ABHD12: variants seen among roughly 807,000 people sequenced by gnomAD.
ABHD12 encodes the protein lysophosphatidylserine lipase ABHD12.
A neutral mutation model predicts 58.3 loss-of-function variants in ABHD12; 43 were observed. That is an observed-to-expected ratio of 0.74 (90% CI 0.58 to 0.95). The LOEUF (loss-of-function observed/expected upper bound fraction) is 0.95. Among genes scored for constraint, ABHD12 ranks in the 40% least tolerant of loss-of-function variants. The pLI is 0.00. For missense variants in ABHD12, 539 were observed against 537.2 expected, an observed-to-expected ratio of 1.00 and a Z score of -0.03; for synonymous variants, 219 against 211.2, an observed-to-expected ratio of 1.04 and a Z score of -0.32.
At chr20:25,312,251 G>A (rs934214214) in intron 6 of ABHD12, among the ~76,000 whole-genome samples, 1 of 152,012 alleles carries the variant, frequency 6.6e-6, no homozygotes, top group African/African-American at 2.4e-5. Context: ...CTGTACTGCC[G>A]CCATCTCGGC....
chr20:25,336,946 T>C (rs1272258425), intron 2 of ABHD12, among the ~76,000 whole-genome samples: 1 of 152,136 alleles, frequency 6.6e-6, no homozygotes, highest in Non-Finnish European at 1.5e-5. Context: ...GCTAGACCTT[T>C]GGCAACTAAA....
At chr20:25,316,133 G>A (rs1048896087) in intron 5 of ABHD12, among the ~76,000 whole-genome samples, 8 of 151,354 alleles carry the variant, frequency 5.3e-5, no homozygotes, top group Non-Finnish European at 8.8e-5. Context: ...AGTCAGTGTA[G>A]CACCTGGAGC....
intron 1 of ABHD12, among the ~76,000 whole-genome samples, chr20:25,379,887 C>T (rs1011604716): frequency 1.3e-5 from 2 of 151,892 alleles, no homozygotes; most frequent in African/African-American, 4.8e-5. Context: ...ATGAGGTCTC[C>T]CTTCATTGCC....
chr20:25,306,192 AAAG>A (rs889342743), intron 10 of ABHD12, among the ~76,000 whole-genome samples: 2 of 152,100 alleles, frequency 1.3e-5, no homozygotes, highest in African/African-American at 2.4e-5. Flanking sequence ...AAAAAAAAAA[AAAG>A]AAGAAAAATC....
chr20:25,369,649 C>T (rs1163947920), intron 1 of ABHD12, among the ~76,000 whole-genome samples: 3 of 152,176 alleles, frequency 2.0e-5, no homozygotes, highest in Non-Finnish European at 4.4e-5. Context: ...GGTAAGATCC[C>T]AAACCAGGAG....
At chr20:25,300,962 C>CCT in intron 12 of ABHD12, 78 bp from the exon 13 acceptor site, 1 of 1,471,448 alleles carries the variant, frequency 6.8e-7, no homozygotes, top group Non-Finnish European at 9.4e-7. Flanking sequence ...ACACTGCTAT[C>CCT]TAAGGAAGCA....
downstream of ABHD12, chr20:25,296,802 GT>G (rs2088554155): frequency 6.8e-6 from 3 of 438,148 alleles, no homozygotes; most frequent in South Asian, 5.4e-5. Context: ...CAGAGTGGGA[GT>G]CAGGTGGAGC....
intron 1 of ABHD12, among the ~76,000 whole-genome samples, chr20:25,346,706 G>A (rs562373477): frequency 4.7e-4 from 71 of 152,250 alleles, no homozygotes; most frequent in African/African-American, 1.7e-3. Context: ...GTGCAGTGGC[G>A]TGATCTCGGC....
At chr20:25,380,044 ATTTG>A (rs1340728942) in intron 1 of ABHD12, among the ~76,000 whole-genome samples, 1 of 152,102 alleles carries the variant, frequency 6.6e-6, no homozygotes, top group Non-Finnish European at 1.5e-5. Context: ...GCTTTTGAAA[ATTTG>A]TTTGGTTCTC....
chr20:25,318,551 G>A (rs895408162), intron 4 of ABHD12, among the ~76,000 whole-genome samples: 1 of 152,134 alleles, frequency 6.6e-6, no homozygotes. Context: ...AAGAAAGCAG[G>A]CAACGTGGGG....
Position 25,390,742 on chromosome 20 carries a change from G to GGCCTCCACC in ABHD12, c.-40_-39insGGTGGAGGC, listed in dbSNP as rs3833297. 1 of 1,254,784 alleles carries GGCCTCCACC rather than the reference G, an allele frequency of 8.0e-7. No individual in the cohort carries two copies. The highest frequency in any genetic ancestry group is 1.0e-6 in the Non-Finnish European group (1 of 999,508). 77.7% of individuals were successfully genotyped at this position (1,254,784 alleles called of 1,614,324 possible). A position where few individuals can be genotyped will look rare whatever the true frequency, so the allele number is the denominator to read the frequency against. On this transcript the variant is annotated 5_prime_UTR_variant, in exon 1 of 13. Transcript: ENST00000339157. ...GGGCCAGCCGCCGACGGCGCCCGCTGGCCTGCGCCGCAGTGCCGCCGCTCA... is the reference window on the plus strand; with the variant it reads ...GGGCCAGCCGCCGACGGCGCCCGCTGGCCTCCACCGCCTGCGCCGCAGTGCCGCCGCTCA...
At chr20:25,388,418 G>C (rs1013836774) in intron 1 of ABHD12, among the ~76,000 whole-genome samples, 4 of 152,158 alleles carry the variant, frequency 2.6e-5, no homozygotes, top group Non-Finnish European at 5.9e-5. Context: ...GGAGGCACAC[G>C]AGCAAAAATT....
At chr20:25,360,016 T>C (rs1479112624) in intron 1 of ABHD12, among the ~76,000 whole-genome samples, 1 of 152,100 alleles carries the variant, frequency 6.6e-6, no homozygotes, top group African/African-American at 2.4e-5. Context: ...TTCTACTCTA[T>C]TCATCTTTTT....
rs2090166401 is a variant in ABHD12 at position 25,390,757 on chromosome 20, GC to G, written c.-55del. 17 of 509,774 alleles carry G rather than the reference GC, an allele frequency of 3.3e-5. 1 individual carries two copies. The highest frequency in any genetic ancestry group is 6.4e-5 in the Admixed American group (1 of 15,726). The allele number at this position is 509,774 out of a possible 1,614,324, so 31.6% of individuals were successfully genotyped here. A position where few individuals can be genotyped will look rare whatever the true frequency, so the allele number is the denominator to read the frequency against. ...GGCGCCCGCTGGCCTGCGCCGCAGT[GC>G]CGCCGCTCACAGCCGCCGCCACCCA... On this transcript the variant is annotated 5_prime_UTR_variant, in exon 1 of 13. Coordinates refer to ENST00000339157, the MANE Select transcript of ABHD12 (RefSeq NM_001042472.3).
At chr20:25,338,763 A>C in intron 2 of ABHD12, 1 of 993,476 alleles carries the variant, frequency 1.0e-6, no homozygotes. Context: ...TTTTAAAGGT[A>C]CTATATTTTT....
chr20:25,383,294 A>G (rs1199968351), intron 1 of ABHD12, among the ~76,000 whole-genome samples: 1 of 152,170 alleles, frequency 6.6e-6, no homozygotes, highest in African/African-American at 2.4e-5. Context: ...TGTGATGACT[A>G]TGTTCTTTGG....
intron 2 of ABHD12, among the ~76,000 whole-genome samples, chr20:25,335,723 C>T (rs1175927469): frequency 5.4e-5 from 8 of 148,534 alleles, no homozygotes; most frequent in East Asian, 2.0e-4. Context: ...AACCAAACAC[C>T]GCATATTCTC....
At chr20:25,387,938 G>A (rs2090115130) in intron 1 of ABHD12, among the ~76,000 whole-genome samples, 1 of 151,684 alleles carries the variant, frequency 6.6e-6, no homozygotes, top group African/African-American at 2.4e-5. Context: ...CTACTCAGGA[G>A]GCTGGGGCAG....
At chr20:25,299,926 C>T (rs1265123675), downstream of ABHD12, among the ~76,000 whole-genome samples, 1 of 152,162 alleles carries the variant, frequency 6.6e-6, no homozygotes, top group African/African-American at 2.4e-5. Flanking sequence ...CTGAGAACCG[C>T]TATAGGTAGC....
Sources: allele counts gnomAD v4.1 joint callset (sites outside exome capture counted in the v4.1 genomes callset), GRCh38; gene constraint gnomAD v4.1.1; transcripts MANE v1.5; gene names NCBI Gene and HGNC (gene_info 2026-07-23, HGNC 2026-07-21).